Variants in DACH1 observed in about 807,000 individuals in gnomAD.
DACH1 encodes the protein dachshund family transcription factor 1.
A neutral mutation model predicts 54.2 loss-of-function variants in DACH1; 12 were observed. That is an observed-to-expected ratio of 0.22 (90% CI 0.14 to 0.36). The LOEUF is 0.36. Among genes scored for constraint, DACH1 ranks in the 10% least tolerant of loss-of-function variants. The pLI is 1.00. For synonymous variants in DACH1, 386 were observed against 366.2 expected (o/e 1.05, Z -0.62); for missense variants, 805 against 929.8 (o/e 0.87, Z 1.75).
intron 1 of DACH1, among the ~76,000 whole-genome samples, chr13:71,701,228 T>C (rs984711134): frequency 6.6e-6 from 1 of 152,190 alleles, no homozygotes; most frequent in African/African-American, 2.4e-5. Context: ...TACTAAGCTA[T>C]TTGAAGTCAA....
intron 1 of DACH1, among the ~76,000 whole-genome samples, chr13:71,841,901 C>T (rs1410085507): frequency 2.6e-5 from 4 of 152,190 alleles, no homozygotes; most frequent in Non-Finnish European, 5.9e-5. Flanking sequence ...CAAATGCCAT[C>T]TCATAATTCA....
intron 1 of DACH1, among the ~76,000 whole-genome samples, chr13:71,789,482 A>C (rs796281880): frequency 6.6e-6 from 1 of 152,170 alleles, no homozygotes; most frequent in African/African-American, 2.4e-5. Context: ...TCATATGTGC[A>C]TATAAGTCTA....
chr13:71,595,241 T>A (rs1333136579), intron 3 of DACH1, among the ~76,000 whole-genome samples: 1 of 151,730 alleles, frequency 6.6e-6, no homozygotes, highest in Non-Finnish European at 1.5e-5. Flanking sequence ...TGAGTTTTGG[T>A]GAGAGATGAA....
chr13:71,447,676 C>CT (rs1555280938), intron 10 of DACH1, among the ~76,000 whole-genome samples: 2 of 151,642 alleles, frequency 1.3e-5, no homozygotes, highest in Non-Finnish European at 2.9e-5. Context: ...ACTAAAAATA[C>CT]AAAAAAATTA....
intron 1 of DACH1, among the ~76,000 whole-genome samples, chr13:71,847,384 T>A (rs539586147): frequency 1.1e-4 from 16 of 152,322 alleles, no homozygotes; most frequent in Non-Finnish European, 2.2e-4. Context: ...CTATTGCATT[T>A]ATAATGGGTG....
At chr13:71,675,607 G>A (rs1224063976) in intron 2 of DACH1, 1 of 613,072 alleles carries the variant, frequency 1.6e-6, no homozygotes, top group African/African-American at 1.9e-5. Context: ...GTCTATGATT[G>A]CGAGTGGAAA....
chr13:71,864,214 CA>C (rs1555330492), intron 1 of DACH1, among the ~76,000 whole-genome samples: 2 of 113,256 alleles, frequency 1.8e-5, no homozygotes, highest in African/African-American at 7.4e-5. Flanking sequence ...CACACACACA[CA>C]ACATTTACCC....
chr13:71,529,480 C>A (rs1455631188), intron 6 of DACH1, among the ~76,000 whole-genome samples: 1 of 152,084 alleles, frequency 6.6e-6, no homozygotes. Flanking sequence ...CTGCGCCCAG[C>A]TGATTTGGGT....
intron 3 of DACH1, among the ~76,000 whole-genome samples, chr13:71,597,177 G>C (rs1874156325): frequency 6.6e-6 from 1 of 152,110 alleles, no homozygotes; most frequent in African/African-American, 2.4e-5. Flanking sequence ...AGAACCTCAT[G>C]ACATTTATTT....
chr13:71,816,602 G>A (rs9529916), intron 1 of DACH1, among the ~76,000 whole-genome samples: 1 of 85,902 alleles, frequency 1.2e-5, no homozygotes, highest in African/African-American at 3.9e-5. Flanking sequence ...ACACACATAT[G>A]TGTGTATATA....
At chr13:71,609,545 T>C (rs1182489470) in intron 3 of DACH1, among the ~76,000 whole-genome samples, 1 of 152,128 alleles carries the variant, frequency 6.6e-6, no homozygotes, top group Non-Finnish European at 1.5e-5. Context: ...AGTTGACTTT[T>C]TTTTTTTCTT....
At chr13:71,761,618 A>G (rs1470072356) in intron 1 of DACH1, among the ~76,000 whole-genome samples, 1 of 152,140 alleles carries the variant, frequency 6.6e-6, no homozygotes, top group Non-Finnish European at 1.5e-5. Flanking sequence ...GTGCGTACAC[A>G]TCATCTGGGG....
At chr13:71,620,972 A>C (rs548181918) in intron 3 of DACH1, among the ~76,000 whole-genome samples, 3 of 152,138 alleles carry the variant, frequency 2.0e-5, no homozygotes, top group South Asian at 2.1e-4. Context: ...AAAAAGACTT[A>C]AATATGTGCC....
At chr13:71,632,004 AG>A (rs1451784331) in intron 2 of DACH1, among the ~76,000 whole-genome samples, 1 of 152,102 alleles carries the variant, frequency 6.6e-6, no homozygotes, top group African/African-American at 2.4e-5. Context: ...AGGCTGAGGT[AG>A]GAGAATCAGT....
At chr13:71,660,258 T>C (rs1159712117) in intron 2 of DACH1, among the ~76,000 whole-genome samples, 4 of 152,284 alleles carry the variant, frequency 2.6e-5, no homozygotes, top group East Asian at 1.9e-4. Context: ...TGTTGCTACA[T>C]GCAGGGCACT....
At chr13:71,518,321 G>A (rs1881313965) in intron 6 of DACH1, among the ~76,000 whole-genome samples, 1 of 151,694 alleles carries the variant, frequency 6.6e-6, no homozygotes, top group Non-Finnish European at 1.5e-5. Context: ...GAAAGCCAAG[G>A]AGAGAGGCCT....
At chr13:71,601,466 T>C (rs1208118038) in intron 3 of DACH1, among the ~76,000 whole-genome samples, 1 of 152,072 alleles carries the variant, frequency 6.6e-6, no homozygotes, top group Non-Finnish European at 1.5e-5. Context: ...TGCTTTCTGT[T>C]CTTTTATTTG....
At chr13:71,501,780 T>C (rs1879936300) in intron 6 of DACH1, among the ~76,000 whole-genome samples, 1 of 152,190 alleles carries the variant, frequency 6.6e-6, no homozygotes, top group Admixed American at 6.6e-5. Context: ...TTACCATAAA[T>C]AACTAGCACA....
intron 1 of DACH1, among the ~76,000 whole-genome samples, chr13:71,779,913 G>C (rs995098258): frequency 2.0e-5 from 3 of 151,940 alleles, no homozygotes; most frequent in Non-Finnish European, 2.9e-5. Context: ...TGTGAGCTGA[G>C]AACAAAAACT....
Sources: gnomAD v4.1 joint callset for allele counts (sites outside exome capture counted in the v4.1 genomes callset) on GRCh38, gnomAD v4.1.1 for gene constraint, MANE v1.5 for transcripts, NCBI Gene and HGNC (gene_info 2026-07-23, HGNC 2026-07-21) for gene names.